The following UNC5D variants were observed in gnomAD, a reference collection of about 807,000 sequenced individuals.
UNC5D encodes the protein unc-5 netrin receptor D.
Under a neutral mutation model 105.4 loss-of-function variants are expected in UNC5D, and 39 were observed. The observed-to-expected ratio is 0.37, with a 90% CI of 0.29 to 0.48. UNC5D has a LOEUF of 0.48. Ranked by LOEUF, UNC5D falls within the 20% of genes least tolerant of loss-of-function variation. The pLI is 0.98. For missense variants in UNC5D, 991 were observed against 1,202.4 expected (o/e 0.82, Z 2.60); for synonymous variants, 452 against 450.4 (o/e 1.00, Z -0.04).
intron 11 of UNC5D, among the ~76,000 whole-genome samples, 159 bp downstream of exon 11, chr8:35,731,255 G>T (rs150223823): frequency 2.1e-3 from 320 of 152,002 alleles, no homozygotes; most frequent in Non-Finnish European, 3.6e-3. Flanking sequence ...AAAAAAATTA[G>T]CCAGGCATGG....
In UNC5D at chr8:35,774,490, A is replaced by G. The variant is rs1802149372; in HGVS notation, c.2657+13A>G. 6.2e-7 allele frequency: 1 copy of G among 1,613,342 alleles called. No homozygotes were observed. Among genetic ancestry groups the G allele is most frequent in the Non-Finnish European group, 8.5e-7 (1 of 1,179,612 alleles). ...ACAGCATCAACAGGTAATTGGGGAC[A>G]GCTTCTGGAAGACGATGTTACTAAG... On this transcript the variant is annotated intron_variant, in intron 16 of 16. Transcript: ENST00000404895.
intron 1 of UNC5D, among the ~76,000 whole-genome samples, chr8:35,476,269 C>A (rs1360878932): frequency 6.6e-6 from 1 of 152,192 alleles, no homozygotes; most frequent in Admixed American, 6.5e-5. Context: ...CACAAGTACA[C>A]TGGAATAGGC....
intron 10 of UNC5D, 89 bp downstream of exon 10, chr8:35,726,618 G>A (rs1828892825): frequency 1.9e-6 from 3 of 1,544,538 alleles, no homozygotes; most frequent in Non-Finnish European, 2.6e-6. Flanking sequence ...ATTTTATGAT[G>A]TTTACTCTCC....
chr8:35,414,247 T>C (rs1218770816), intron 1 of UNC5D, among the ~76,000 whole-genome samples: 1 of 152,262 alleles, frequency 6.6e-6, no homozygotes, highest in South Asian at 2.1e-4. Context: ...GCAGGAACAA[T>C]GTATTTATTT....
intron 1 of UNC5D, among the ~76,000 whole-genome samples, chr8:35,522,308 C>T (rs932188618): frequency 1.3e-5 from 2 of 152,164 alleles, no homozygotes; most frequent in Non-Finnish European, 2.9e-5. Flanking sequence ...GTAATCTGAT[C>T]TAAACTCAAT....
rs1806552193 is a variant in UNC5D at position 35,430,489 on chromosome 8, C to T, written c.104-118803C>T. 2.0e-5 allele frequency among the ~76,000 whole-genome samples: 3 copies of T among 152,208 alleles called. No individual in the cohort carries two copies. The South Asian group carries it at 6.2e-4, about 32-fold the overall frequency. On this transcript the variant is annotated intron_variant, in intron 1 of 16. Coordinates refer to ENST00000404895, the MANE Select transcript of UNC5D (RefSeq NM_080872.4). ...TGTCAATTAAACCCAAGAAAGGGGT[C>T]ACCAGAAACTCTAAAGTTGATCAGA...
chr8:35,544,387 T>C, intron 1 of UNC5D: 2 of 1,603,370 alleles, frequency 1.2e-6, no homozygotes, highest in Non-Finnish European at 1.7e-6. Context: ...AATCTATCAG[T>C]AGCGTTAAAT....
chr8:35,596,062 G>A (rs147940902), intron 4 of UNC5D, among the ~76,000 whole-genome samples: 1 of 152,190 alleles, frequency 6.6e-6, no homozygotes, highest in Non-Finnish European at 1.5e-5. Context: ...CCCAGTCCCA[G>A]TGTCACTGGT....
chr8:35,471,724 A>G (rs1809742421), intron 1 of UNC5D, among the ~76,000 whole-genome samples: 1 of 152,190 alleles, frequency 6.6e-6, no homozygotes, highest in African/African-American at 2.4e-5. Flanking sequence ...GCAGTAGACC[A>G]CAACCATTTC....
intron 1 of UNC5D, among the ~76,000 whole-genome samples, chr8:35,369,825 TC>T (rs1383956277): frequency 6.6e-6 from 1 of 152,174 alleles, no homozygotes; most frequent in Admixed American, 6.5e-5. Context: ...TTTCATTAGC[TC>T]CTTCCGTGTC....
rs538423475 is a variant in UNC5D, at chr8:35,257,640, C to T, written c.103+21753C>T. Among the ~76,000 whole-genome samples, 51 of 152,266 alleles carry T rather than the reference C, an allele frequency of 3.3e-4. No individual in the cohort carries two copies. The Middle Eastern group carries it at 0.01, about 30-fold the overall frequency. ...ATAATAGTTGGTGGTATGAATTATA[C>T]GCCAAATTGTCGCCTCAGGTAAAAT... On this transcript the variant is annotated intron_variant, in intron 1 of 16. Transcript: ENST00000404895.
chr8:35,543,333 A>G lies in UNC5D; in HGVS notation c.104-5959A>G, dbSNP rs536511892. ...TACAAATAATTTAGAACGTCTCAAA[A>G]TCTCTTGATGCTCAAATTCACTTAA... On this transcript the variant is annotated intron_variant, in intron 1 of 16. Coordinates refer to ENST00000404895, the MANE Select transcript of UNC5D (RefSeq NM_080872.4). Among the ~76,000 whole-genome samples the G allele has an allele frequency of 2.7e-3, 410 of 152,328 alleles. 4 individuals carry two copies. Among genetic ancestry groups the G allele is most frequent in the African/African-American group, 8.9e-3 (372 of 41,576 alleles).
chr8:35,323,464 T>C (rs1012451403), intron 1 of UNC5D, among the ~76,000 whole-genome samples: 1 of 152,124 alleles, frequency 6.6e-6, no homozygotes, highest in Non-Finnish European at 1.5e-5. Context: ...CAACCCCCTT[T>C]AGTCTGCCCT....
chr8:35,574,469 A>G (rs915742387), intron 3 of UNC5D, among the ~76,000 whole-genome samples: 1 of 152,348 alleles, frequency 6.6e-6, no homozygotes, highest in African/African-American at 2.4e-5. Flanking sequence ...AATTGTGCCA[A>G]GAAGGAGTAA....
chr8:35,544,409 G>GT, intron 1 of UNC5D: 1 of 1,608,970 alleles, frequency 6.2e-7, no homozygotes, highest in Non-Finnish European at 8.5e-7. Context: ...AGTAGGGATT[G>GT]TTTAAAAAAA....
chr8:35,263,048 A>G (rs1261956527), intron 1 of UNC5D, among the ~76,000 whole-genome samples: 2 of 152,192 alleles, frequency 1.3e-5, no homozygotes, highest in African/African-American at 2.4e-5. Context: ...CTGTCCACTC[A>G]GTACTTTATA....
intron 13 of UNC5D, among the ~76,000 whole-genome samples, chr8:35,753,370 G>A (rs1428084552): frequency 4.6e-5 from 7 of 151,948 alleles, no homozygotes; most frequent in African/African-American, 9.7e-5. Flanking sequence ...CCGGGTTCAC[G>A]CCATTTTCCT....
At position 35,702,742 on chromosome 8, in the gene UNC5D, G is replaced by T. The variant is rs149106906; in HGVS notation, c.1085-3187G>T. Among the ~76,000 whole-genome samples, 38 of 152,294 alleles carry T rather than the reference G, an allele frequency of 2.5e-4. No individual in the cohort carries two copies. In the East Asian group the frequency reaches 6.6e-3, roughly 26 times the overall value. On this transcript the variant is annotated intron_variant, in intron 7 of 16. Coordinates refer to ENST00000404895, the MANE Select transcript of UNC5D (RefSeq NM_080872.4). ...TTTGGGAAAATGCTCTATGTTAGCA[G>T]ATTCCTGTCAAGGTACTGTTGTTTC... is the stretch of plus-strand genomic sequence containing the variant.
intron 1 of UNC5D, among the ~76,000 whole-genome samples, chr8:35,408,218 A>T (rs752991808): frequency 3.2e-4 from 49 of 152,206 alleles, no homozygotes; most frequent in Admixed American, 4.6e-4. Flanking sequence ...TTTGTTTTCA[A>T]TGTTTACTTT....
Sources: gnomAD v4.1 joint callset for allele counts (sites outside exome capture counted in the v4.1 genomes callset) on GRCh38, gnomAD v4.1.1 for gene constraint, MANE v1.5 for transcripts, NCBI Gene and HGNC (gene_info 2026-07-23, HGNC 2026-07-21) for gene names.